Variants in TRPM3 observed in about 807,000 individuals in gnomAD.
TRPM3 encodes long transient receptor potential channel 3.
TRPM3 carries 77 observed loss-of-function variants against 181.2 expected under a neutral mutation model. The observed-to-expected ratio is 0.42, with a 90% CI of 0.35 to 0.51. The LOEUF is 0.51. TRPM3 is among the 20% of genes least tolerant of loss of function. The probability of loss-of-function intolerance (pLI) is 0.01; values close to 1 mark genes in which losing one functional copy is unlikely to be tolerated. For synonymous variants in TRPM3, 745 were observed against 796.4 expected (o/e 0.94, Z 1.09); for missense variants, 1,759 against 2,196.7 (o/e 0.80, Z 3.98).
At chr9:71,031,975 T>TATATATATATATTATA (rs2057387252) in intron 1 of TRPM3, among the ~76,000 whole-genome samples, 1 of 7,940 alleles carries the variant, frequency 1.3e-4, no homozygotes, top group Non-Finnish European at 1.6e-4. Flanking sequence ...ATATATATTA[T>TATATATATATATTATA]ATATATATAT....
chr9:71,399,165 G>C (rs2093274400), intron 1 of TRPM3, among the ~76,000 whole-genome samples: 1 of 152,116 alleles, frequency 6.6e-6, no homozygotes. Flanking sequence ...CAAAATAGGA[G>C]ACTAAGATAG....
intron 9 of TRPM3, among the ~76,000 whole-genome samples, chr9:70,655,346 AATAAT>A: frequency 6.6e-6 from 1 of 150,954 alleles, no homozygotes; most frequent in African/African-American, 2.4e-5. Flanking sequence ...AGAAAATGAA[AATAAT>A]ATGGCCTTTG....
chr9:70,648,749 C>T (rs2059237761), intron 9 of TRPM3, among the ~76,000 whole-genome samples: 3 of 152,104 alleles, frequency 2.0e-5, no homozygotes, highest in Admixed American at 2.0e-4. Flanking sequence ...AGGGCAAGGA[C>T]TCTCTATTCA....
chr9:71,303,123 C>T (rs956523793), intron 1 of TRPM3, among the ~76,000 whole-genome samples: 1 of 152,086 alleles, frequency 6.6e-6, no homozygotes, highest in African/African-American at 2.4e-5. Context: ...CCCACCCCAT[C>T]CCACCATCAC....
At chr9:70,963,400 G>A (rs2097156300) in intron 1 of TRPM3, among the ~76,000 whole-genome samples, 1 of 152,118 alleles carries the variant, frequency 6.6e-6, no homozygotes, top group East Asian at 1.9e-4. Flanking sequence ...TACAAATATA[G>A]TTTTTAAAGA....
At chr9:70,903,458 A>G (rs1235233509) in intron 1 of TRPM3, among the ~76,000 whole-genome samples, 1 of 152,146 alleles carries the variant, frequency 6.6e-6, no homozygotes, top group Middle Eastern at 3.2e-3. Flanking sequence ...CATCTCCCCA[A>G]AAAGAAAATT....
At chr9:71,107,149 C>T (rs1049681114) in intron 1 of TRPM3, among the ~76,000 whole-genome samples, 1 of 152,098 alleles carries the variant, frequency 6.6e-6, no homozygotes, top group Non-Finnish European at 1.5e-5. Context: ...AATATACCCC[C>T]AACCCTGCAC....
At chr9:70,635,725 G>T (rs1192906439) in intron 11 of TRPM3, among the ~76,000 whole-genome samples, 1 of 151,934 alleles carries the variant, frequency 6.6e-6, no homozygotes, top group Admixed American at 6.6e-5. Flanking sequence ...GCCTCCCAAA[G>T]TGCTGGGATT....
chr9:71,247,374 A>T (rs1030294209), intron 1 of TRPM3, among the ~76,000 whole-genome samples: 2 of 151,220 alleles, frequency 1.3e-5, no homozygotes, highest in Non-Finnish European at 2.9e-5. Flanking sequence ...AAAAAAAAAA[A>T]ATTAACAATA....
chr9:70,751,515 A>G (rs1453119289), intron 8 of TRPM3, among the ~76,000 whole-genome samples: 1 of 152,170 alleles, frequency 6.6e-6, no homozygotes, highest in Admixed American at 6.5e-5. Flanking sequence ...AAATGACACA[A>G]AGAACAAAAG....
chr9:71,118,169 G>T (rs932089073), intron 1 of TRPM3, among the ~76,000 whole-genome samples: 2 of 152,120 alleles, frequency 1.3e-5, no homozygotes, highest in African/African-American at 4.8e-5. Flanking sequence ...TTGAAAACAG[G>T]CTCTGTCTTT....
intron 5 of TRPM3, among the ~76,000 whole-genome samples, chr9:70,830,947 GA>G (rs1259855560): frequency 2.6e-5 from 4 of 152,088 alleles, no homozygotes; most frequent in African/African-American, 9.7e-5. Context: ...AAAATGATAT[GA>G]GACAAATCAG....
intron 6 of TRPM3, among the ~76,000 whole-genome samples, chr9:70,789,913 G>T (rs1170470497): frequency 2.6e-5 from 4 of 152,176 alleles, no homozygotes; most frequent in African/African-American, 9.6e-5. Context: ...TGTCTAAACT[G>T]CCATAAGAAA....
intron 12 of TRPM3, among the ~76,000 whole-genome samples, chr9:70,626,668 TG>T (rs534614683): frequency 3.3e-3 from 501 of 152,324 alleles, no homozygotes; most frequent in Non-Finnish European, 5.6e-3. Context: ...TCAAACTGCT[TG>T]TCTACTCAGT....
chr9:70,886,950 C>T (rs1345509452), intron 1 of TRPM3, among the ~76,000 whole-genome samples: 1 of 152,158 alleles, frequency 6.6e-6, no homozygotes, highest in Non-Finnish European at 1.5e-5. Context: ...CAGGTGTGAA[C>T]CACCGTGCCC....
rs931648453 is a variant in TRPM3 at position 70,598,592 on chromosome 9, T to C, written c.2875A>G (p.Ile959Val). Residue 959 changes from isoleucine (I) to valine (V), a missense_variant, in exon 21 of 26, where the codon ATC (isoleucine) becomes GTC (valine). Physicochemically the swap from Ile to Val is conservative, Grantham distance 29. This residue lies in a region of TRPM3 where 100 missense variants were observed against 123.0 expected (regional missense o/e 0.81). Coordinates refer to ENST00000677713, the MANE Select transcript of TRPM3 (RefSeq NM_001366145.2). ...CCGACAGAAAACAGAAGGATGGCGA[T>C]GAGGTCCGTGACATTCCAGTACTCC... ...LQEYWNVTDL[I>V]AILLFSVGMI... The C allele has an allele frequency of 1.9e-6, 3 of 1,614,110 alleles. No individual in the cohort carries two copies. In the African/African-American group the frequency reaches 4.0e-5, roughly 22 times the overall value.
intron 1 of TRPM3, among the ~76,000 whole-genome samples, chr9:71,390,063 A>G (rs2093025760): frequency 6.6e-6 from 1 of 152,128 alleles, no homozygotes; most frequent in Admixed American, 6.6e-5. Flanking sequence ...ACAGTTATCT[A>G]CATTCTCCAG....
chr9:71,317,849 CTT>C (rs942732302), intron 1 of TRPM3, among the ~76,000 whole-genome samples: 2 of 152,064 alleles, frequency 1.3e-5, no homozygotes, highest in Admixed American at 1.3e-4. Context: ...CATTAATCAT[CTT>C]TATCAAATTT....
At chr9:71,079,898 TGGTGGCACACGCC>T (rs2063992822) in intron 1 of TRPM3, among the ~76,000 whole-genome samples, 3 of 152,134 alleles carry the variant, frequency 2.0e-5, no homozygotes, top group Non-Finnish European at 4.4e-5. Context: ...GAGCCAGGCA[TGGTGGCACACGCC>T]TGTAATCCCA....
Sources: gnomAD v4.1 joint callset for allele counts (sites outside exome capture counted in the v4.1 genomes callset) on GRCh38, gnomAD v4.1.1 for gene constraint, gnomAD v4.1.1 regional missense constraint, MANE v1.5 for transcripts, NCBI Gene and HGNC (gene_info 2026-07-23, HGNC 2026-07-21) for gene names.